Variants in GABRA5 observed in about 807,000 individuals in gnomAD.
The protein encoded by GABRA5 is gamma-aminobutyric acid receptor subunit alpha-5.
In GABRA5, 18 loss-of-function variants were observed where a neutral mutation model predicts 47.3. The ratio of observed to expected loss-of-function variants is 0.38; its 90% CI spans 0.26 to 0.56. The LOEUF (loss-of-function observed/expected upper bound fraction) is 0.56, where lower values mean the gene tolerates loss of function less well. Among genes scored for constraint, GABRA5 ranks in the 20% least tolerant of loss-of-function variants. GABRA5 has a pLI of 0.71. For missense variants in GABRA5, 365 were observed against 599.3 expected (o/e 0.61, Z 4.08); for synonymous variants, 237 against 229.3 (o/e 1.03, Z -0.30).
chr15:26,948,475 A>G lies in GABRA5; in HGVS notation c.*242A>G. ...GGAAAAACAGGATACGATGACTGAC[A>G]CTCAGATGCCCAGTATCATACGTTG... On this transcript the variant is annotated 3_prime_UTR_variant, in exon 11 of 11. Coordinates refer to ENST00000335625, the MANE Select transcript of GABRA5 (RefSeq NM_000810.4). 1.9e-6 allele frequency: 1 copy of G among 525,996 alleles called. No homozygotes were observed. 32.6% of individuals were successfully genotyped at this position (525,996 alleles called of 1,614,324 possible).
chr15:26,932,003 C>T (rs1894119746), intron 7 of GABRA5, among the ~76,000 whole-genome samples: 1 of 152,152 alleles, frequency 6.6e-6, no homozygotes, highest in African/African-American at 2.4e-5. Flanking sequence ...TCAAACCCAA[C>T]ACTATAAAAA....
chr15:26,875,252 C>T (rs958021305), intron 3 of GABRA5, among the ~76,000 whole-genome samples: 6 of 152,168 alleles, frequency 3.9e-5, no homozygotes, highest in African/African-American at 1.4e-4. Flanking sequence ...CTGGCCTCAG[C>T]CTGAGCACAG....
At chr15:26,934,228 G>A (rs550610663) in intron 7 of GABRA5, among the ~76,000 whole-genome samples, 2 of 148,980 alleles carry the variant, frequency 1.3e-5, no homozygotes, top group South Asian at 2.2e-4. Context: ...CTCCAGCCTG[G>A]GTGATAGAAA....
rs1157942677 is a variant in GABRA5, at chr15:26,948,332, T to C, written c.*99T>C. ...GGACTCTCCATATGTGAGCACTATC[T>C]TTCAGGAAATTTTTGCATGTTTAAT... On this transcript the variant is annotated 3_prime_UTR_variant, in exon 11 of 11. Coordinates refer to ENST00000335625, the MANE Select transcript of GABRA5 (RefSeq NM_000810.4). 2 of 1,150,414 alleles carry C rather than the reference T, an allele frequency of 1.7e-6. No individual in the cohort carries two copies. The highest frequency in any genetic ancestry group is 1.6e-5 in the African/African-American group (1 of 63,746). 71.3% of individuals were successfully genotyped at this position (1,150,414 alleles called of 1,614,324 possible).
At chr15:26,917,972 T>C (rs530270787) in intron 7 of GABRA5, among the ~76,000 whole-genome samples, 29 of 152,212 alleles carry the variant, frequency 1.9e-4, no homozygotes, top group Admixed American at 1.8e-3. Context: ...GTTTGTCAGT[T>C]TTATTTTTTT....
rs1893283771 is a variant in GABRA5 at position 26,899,803 on chromosome 15, A to G, written c.498-15000A>G. 3.3e-5 allele frequency among the ~76,000 whole-genome samples: 5 copies of G among 152,178 alleles called. No individual in the cohort carries two copies. In the South Asian group the frequency reaches 8.3e-4, roughly 25 times the overall value. ...TTTTGGAACTAAAATGAGTCCTCGT[A>G]CATGATAAAGAATTATTTTATATAT... On this transcript the variant is annotated intron_variant, in intron 6 of 10. Transcript: ENST00000335625.
intron 6 of GABRA5, among the ~76,000 whole-genome samples, chr15:26,886,862 A>G (rs1892892562): frequency 6.6e-6 from 1 of 152,220 alleles, no homozygotes; most frequent in South Asian, 2.1e-4. Context: ...GAAAGTGGAA[A>G]TAGTTCCACT....
At chr15:26,895,224 A>C (rs1893152902) in intron 6 of GABRA5, among the ~76,000 whole-genome samples, 1 of 149,038 alleles carries the variant, frequency 6.7e-6, no homozygotes. Flanking sequence ...GATGGCTGCC[A>C]CTGCCACAGC....
At chr15:26,882,389 G>A (rs1871913250) in intron 4 of GABRA5, among the ~76,000 whole-genome samples, 1 of 152,108 alleles carries the variant, frequency 6.6e-6, no homozygotes, top group South Asian at 2.1e-4. Flanking sequence ...TCATCACACC[G>A]CGAGCTGCTG....
At chr15:26,907,361 T>G (rs183952192) in intron 6 of GABRA5, among the ~76,000 whole-genome samples, 14 of 152,372 alleles carry the variant, frequency 9.2e-5, no homozygotes, top group African/African-American at 3.4e-4. Flanking sequence ...GTTTAAATTC[T>G]ATTATGTATA....
chr15:26,902,814 C>T lies in GABRA5; in HGVS notation c.498-11989C>T, dbSNP rs536894918. On this transcript the variant is annotated intron_variant, in intron 6 of 10. Coordinates refer to ENST00000335625, the MANE Select transcript of GABRA5 (RefSeq NM_000810.4). ...TAAAAAATCAAGTTGAGGAAGTTCC[C>T]CCATATTCCCAATTTACTGAAAGTT... is the stretch of plus-strand genomic sequence containing the variant. Among the ~76,000 whole-genome samples, 44 of 152,050 alleles carry T rather than the reference C, an allele frequency of 2.9e-4. 1 individual carries two copies. Among genetic ancestry groups the T allele is most frequent in the African/African-American group, 1.1e-3 (44 of 41,494 alleles).
intron 7 of GABRA5, 117 bp downstream of exon 7, chr15:26,915,002 A>C (rs1893687573): frequency 1.2e-6 from 1 of 822,276 alleles, no homozygotes; most frequent in Non-Finnish European, 2.0e-6. Context: ...CAGTCTGTTT[A>C]AGAAGCGTGG....
chr15:26,873,754 G>A (rs1415661497), intron 3 of GABRA5, among the ~76,000 whole-genome samples: 1 of 152,134 alleles, frequency 6.6e-6, no homozygotes, highest in Non-Finnish European at 1.5e-5. Context: ...CATGAGGCCC[G>A]GGACAGTTAT....
chr15:26,945,570 G>C (rs1370647997), intron 10 of GABRA5, among the ~76,000 whole-genome samples: 1 of 152,192 alleles, frequency 6.6e-6, no homozygotes, highest in East Asian at 1.9e-4. Flanking sequence ...CCTCATGTCA[G>C]GGATGTGGCC....
At chr15:26,904,630 CT>C (rs1317445240) in intron 6 of GABRA5, among the ~76,000 whole-genome samples, 2 of 152,070 alleles carry the variant, frequency 1.3e-5, no homozygotes, top group Admixed American at 1.3e-4. Context: ...TGTATTGTCT[CT>C]GATTTCTTTC....
chr15:26,877,777 A>T (rs1892633680), intron 3 of GABRA5: 1 of 411,386 alleles, frequency 2.4e-6, no homozygotes, highest in African/African-American at 2.1e-5. Flanking sequence ...ATTCAATATA[A>T]GGAAATAATT....
rs147783945 is a variant in GABRA5, at chr15:26,914,268, C to A, written c.498-535C>A. Among the ~76,000 whole-genome samples the A allele has an allele frequency of 6.8e-3, 1,038 of 152,216 alleles. 14 individuals carry two copies. The highest frequency in any genetic ancestry group is 0.023 in the African/African-American group (964 of 41,526). On this transcript the variant is annotated intron_variant, in intron 6 of 10. Coordinates refer to ENST00000335625, the MANE Select transcript of GABRA5 (RefSeq NM_000810.4). ...TTACACAATGGTTATAGCCAGGTTC[C>A]GGTCAAAATTTGGGCGTGTAGGAAA...
At chr15:26,888,751 T>G (rs998269302) in intron 6 of GABRA5, among the ~76,000 whole-genome samples, 13 of 152,234 alleles carry the variant, frequency 8.5e-5, no homozygotes, top group Non-Finnish European at 1.9e-4. Context: ...CTCCCTTTCA[T>G]CTGCCATCTT....
At chr15:26,912,063 C>G (rs1893608764) in intron 6 of GABRA5, among the ~76,000 whole-genome samples, 1 of 152,314 alleles carries the variant, frequency 6.6e-6, no homozygotes, top group East Asian at 1.9e-4. Context: ...CCCTCCACCC[C>G]ACCTCAGACT....
Sources: gnomAD v4.1 joint callset for allele counts (sites outside exome capture counted in the v4.1 genomes callset) on GRCh38, gnomAD v4.1.1 for gene constraint, MANE v1.5 for transcripts, NCBI Gene and HGNC (gene_info 2026-07-23, HGNC 2026-07-21) for gene names.